The following B3GAT2 variants were observed in gnomAD, a reference collection of about 807,000 sequenced individuals.
B3GAT2 encodes the protein beta-1,3-glucuronyltransferase 2, also known as galactosylgalactosylxylosylprotein 3-beta-glucuronosyltransferase 2.
A neutral mutation model predicts 27.8 loss-of-function variants in B3GAT2; 26 were observed. The ratio of observed to expected loss-of-function variants is 0.93; its 90% CI spans 0.68 to 1.30. B3GAT2 has a LOEUF of 1.30. B3GAT2 is among the 50% of genes most tolerant of loss of function. The pLI, the probability that B3GAT2 is intolerant of heterozygous loss-of-function variation, is 0.00. For missense variants in B3GAT2, 458 were observed against 459.0 expected (o/e 1.00, Z 0.02); for synonymous variants, 218 against 195.1 (o/e 1.12, Z -0.98).
At chr6:70,898,094 T>A (rs1391820268) in intron 1 of B3GAT2, among the ~76,000 whole-genome samples, 2 of 152,224 alleles carry the variant, frequency 1.3e-5, no homozygotes, top group African/African-American at 4.8e-5. Context: ...TTGACTGTTA[T>A]AGATCCTTTT....
intron 1 of B3GAT2, among the ~76,000 whole-genome samples, chr6:70,937,635 G>C (rs1191876988): frequency 6.6e-6 from 1 of 151,548 alleles, no homozygotes; most frequent in Non-Finnish European, 1.5e-5. Flanking sequence ...CATATAAACA[G>C]AACCAAAGAC....
chr6:70,923,763 C>G (rs1399214415), intron 1 of B3GAT2, among the ~76,000 whole-genome samples: 1 of 152,146 alleles, frequency 6.6e-6, no homozygotes, highest in Non-Finnish European at 1.5e-5. Flanking sequence ...GTGTGCTATT[C>G]TTATACATTT....
chr6:70,931,013 A>G (rs915066246), intron 1 of B3GAT2, among the ~76,000 whole-genome samples: 7 of 152,148 alleles, frequency 4.6e-5, no homozygotes, highest in South Asian at 2.1e-4. Flanking sequence ...CATAAAAAAG[A>G]GTGAGTTCAT....
At chr6:70,895,907 G>C (rs112536407) in intron 1 of B3GAT2, among the ~76,000 whole-genome samples, 1 of 151,532 alleles carries the variant, frequency 6.6e-6, no homozygotes, top group Admixed American at 6.6e-5. Flanking sequence ...TTTATCTAAA[G>C]CCTTATCTTT....
At chr6:70,884,932 C>G (rs978375277) in intron 2 of B3GAT2, among the ~76,000 whole-genome samples, 1 of 152,232 alleles carries the variant, frequency 6.6e-6, no homozygotes, top group African/African-American at 2.4e-5. Flanking sequence ...GGCTTAACTT[C>G]TGAAGCCAGT....
At chr6:70,941,437 C>T (rs1045281350) in intron 1 of B3GAT2, among the ~76,000 whole-genome samples, 5 of 152,076 alleles carry the variant, frequency 3.3e-5, no homozygotes, top group African/African-American at 4.8e-5. Context: ...TGGGCTGTTA[C>T]GCCTATGTGA....
intron 1 of B3GAT2, among the ~76,000 whole-genome samples, chr6:70,920,248 T>C (rs2347628): frequency 0.49 from 74,358 of 152,108 alleles, 18,799 homozygotes; most frequent in East Asian, 0.69. Context: ...GAGGGAATCT[T>C]CCGGTCTGCC....
In B3GAT2 at chr6:70,875,290, C is replaced by A. The variant is rs569922538; in HGVS notation, c.737-13312G>T. The stretch of plus-strand genomic sequence containing the variant: ...ACTTAACTACTTTTTTTTCCCCTGG[C>A]CCTGTACTTTCCAGCCCTGGCATCT... On this transcript the variant is annotated intron_variant, in intron 2 of 3. Coordinates refer to ENST00000230053, the MANE Select transcript of B3GAT2 (RefSeq NM_080742.3). Among the ~76,000 whole-genome samples, 7 of 152,062 alleles carry A rather than the reference C, an allele frequency of 4.6e-5. 1 individual carries two copies. In the South Asian group the frequency reaches 1.5e-3, roughly 32 times the overall value.
chr6:70,859,018 A>ACACTT lies in B3GAT2; in HGVS notation c.*2640_*2644dup, dbSNP rs1444563631. ...TCATGCTCCCACTCTTCTTCCTTTT[A>ACACTT]CACTTCCCATTGATGTTCCTCCAGC... On this transcript the variant is annotated 3_prime_UTR_variant, in exon 4 of 4. Transcript: ENST00000230053. The ACACTT allele has an allele frequency of 5.0e-6, 1 of 201,022 alleles. No homozygotes were observed. Among genetic ancestry groups the ACACTT allele is most frequent in the Non-Finnish European group, 1.0e-5 (1 of 99,700 alleles). 12.5% of individuals were successfully genotyped at this position (201,022 alleles called of 1,614,324 possible).
At chr6:70,920,453 G>A (rs974700330) in intron 1 of B3GAT2, among the ~76,000 whole-genome samples, 1 of 152,204 alleles carries the variant, frequency 6.6e-6, no homozygotes, top group Non-Finnish European at 1.5e-5. Flanking sequence ...ATCCCAATGA[G>A]ATGAACCAGG....
At position 70,860,816 on chromosome 6, in the gene B3GAT2, T is replaced by C. The variant is rs1473735253; in HGVS notation, c.*847A>G. 2.5e-6 allele frequency: 1 copy of C among 397,592 alleles called. No individual in the cohort carries two copies. Among genetic ancestry groups the C allele is most frequent in the East Asian group, 3.6e-5 (1 of 27,944 alleles). The allele number at this position is 397,592 out of a possible 1,614,324, so 24.6% of individuals were successfully genotyped here. On this transcript the variant is annotated 3_prime_UTR_variant, in exon 4 of 4. Transcript: ENST00000230053. ...TTTCTAGTGTATCAAAATGCTCTTA[T>C]TTCATCATTCACTTCACTGTGCTGT...
In B3GAT2 at chr6:70,860,365, C is replaced by A; in HGVS notation, c.*1298G>T. On this transcript the variant is annotated 3_prime_UTR_variant, in exon 4 of 4. Coordinates refer to ENST00000230053, the MANE Select transcript of B3GAT2 (RefSeq NM_080742.3). ...GCAATACAAGTTTCATCCAGAACTA[C>A]CACCTGACATTCCTTGCTGAAACGC... is the stretch of plus-strand genomic sequence containing the variant. 1.9e-6 allele frequency: 3 copies of A among 1,585,582 alleles called. No individual in the cohort carries two copies. Among genetic ancestry groups the A allele is most frequent in the Non-Finnish European group, 2.6e-6 (3 of 1,166,236 alleles).
At chr6:70,888,108 C>A (rs928963348) in intron 2 of B3GAT2, among the ~76,000 whole-genome samples, 2 of 152,132 alleles carry the variant, frequency 1.3e-5, no homozygotes, top group South Asian at 4.1e-4. Flanking sequence ...GGTATGGATA[C>A]AGGAGGCCCA....
At chr6:70,955,768 T>G in intron 1 of B3GAT2, 71 bp downstream of exon 1, 1 of 1,461,376 alleles carries the variant, frequency 6.8e-7, no homozygotes, top group Non-Finnish European at 9.1e-7. Context: ...AAGGGGCGTG[T>G]GACTGCAGCC....
intron 1 of B3GAT2, among the ~76,000 whole-genome samples, chr6:70,894,918 C>T (rs554108520): frequency 1.4e-4 from 22 of 152,168 alleles, no homozygotes; most frequent in Admixed American, 2.6e-4. Context: ...TTAAACATGA[C>T]GCTCAACTGA....
intron 2 of B3GAT2, among the ~76,000 whole-genome samples, chr6:70,871,043 T>C (rs1312745062): frequency 6.6e-6 from 1 of 152,064 alleles, no homozygotes; most frequent in Non-Finnish European, 1.5e-5. Context: ...TGATATGGTG[T>C]GTTACATTGA....
intron 1 of B3GAT2, 89 bp downstream of exon 1, chr6:70,955,750 C>T: frequency 7.2e-7 from 1 of 1,384,050 alleles, no homozygotes; most frequent in Non-Finnish European, 9.5e-7. Context: ...AAAGTGCACC[C>T]GGAGTGCAAG....
chr6:70,880,654 A>ATT (rs372247659), intron 2 of B3GAT2, among the ~76,000 whole-genome samples: 11 of 141,818 alleles, frequency 7.8e-5, no homozygotes, highest in Non-Finnish European at 9.3e-5. Flanking sequence ...CAGCTGGCTA[A>ATT]TTTTTTTTTT....
intron 1 of B3GAT2, among the ~76,000 whole-genome samples, chr6:70,925,492 G>T (rs1281746009): frequency 6.6e-6 from 1 of 152,234 alleles, no homozygotes; most frequent in African/African-American, 2.4e-5. Context: ...CACACCAGGA[G>T]ATTATAACCC....
Sources: allele counts gnomAD v4.1 joint callset (sites outside exome capture counted in the v4.1 genomes callset), GRCh38; gene constraint gnomAD v4.1.1; transcripts MANE v1.5; gene names NCBI Gene and HGNC (gene_info 2026-07-23, HGNC 2026-07-21).